The following DPP10 variants were observed in gnomAD, a reference collection of about 807,000 sequenced individuals.
The protein encoded by DPP10 is dipeptidyl peptidase like 10.
A neutral mutation model predicts 120.9 loss-of-function variants in DPP10; 33 were observed. The observed-to-expected ratio is 0.27, with a 90% CI of 0.21 to 0.37. DPP10 has a LOEUF of 0.37. Ranked by LOEUF, DPP10 falls within the 10% of genes least tolerant of loss-of-function variation. DPP10 has a pLI of 1.00. For synonymous variants in DPP10, 337 were observed against 326.1 expected, an observed-to-expected ratio of 1.03 and a Z score of -0.36; for missense variants, 816 against 942.8, an observed-to-expected ratio of 0.87 and a Z score of 1.76.
intron 1 of DPP10, among the ~76,000 whole-genome samples, chr2:115,156,472 G>T (rs998216427): frequency 1.3e-5 from 2 of 152,198 alleles, no homozygotes; most frequent in Non-Finnish European, 2.9e-5. Context: ...GAACATTGTG[G>T]AAGTGTTAAA....
chr2:114,497,116 T>C (rs897215768), intron 1 of DPP10, among the ~76,000 whole-genome samples: 7 of 149,816 alleles, frequency 4.7e-5, no homozygotes, highest in African/African-American at 1.2e-4. Flanking sequence ...TACGTATACA[T>C]GCACACGTGT....
chr2:115,758,289 A>T (rs1344677229), intron 11 of DPP10, among the ~76,000 whole-genome samples: 1 of 151,890 alleles, frequency 6.6e-6, no homozygotes, highest in Admixed American at 6.6e-5. Flanking sequence ...AAGAATGAAG[A>T]AACAACAAAA....
At chr2:114,961,281 C>T (rs910628407) in intron 1 of DPP10, among the ~76,000 whole-genome samples, 5 of 151,776 alleles carry the variant, frequency 3.3e-5, no homozygotes, top group South Asian at 2.1e-4. Context: ...CTCGAACTCC[C>T]GACCTCAGGT....
At chr2:114,684,411 T>A (rs1699232958) in intron 1 of DPP10, among the ~76,000 whole-genome samples, 1 of 152,096 alleles carries the variant, frequency 6.6e-6, no homozygotes, top group Non-Finnish European at 1.5e-5. Context: ...AGAGAAATTT[T>A]AAAAGGGAGA....
chr2:114,691,715 T>C (rs1699759516), intron 1 of DPP10, among the ~76,000 whole-genome samples: 1 of 152,020 alleles, frequency 6.6e-6, no homozygotes, highest in Non-Finnish European at 1.5e-5. Flanking sequence ...AGTCCTGGGC[T>C]TTTTTTGGTT....
chr2:115,407,647 T>C (rs1440680055), intron 3 of DPP10, among the ~76,000 whole-genome samples: 1 of 151,710 alleles, frequency 6.6e-6, no homozygotes, highest in Admixed American at 6.6e-5. Context: ...GGTGTGTACA[T>C]GGAGAGGGAG....
intron 1 of DPP10, among the ~76,000 whole-genome samples, chr2:114,584,827 G>A (rs1345614649): frequency 1.3e-5 from 2 of 151,994 alleles, no homozygotes; most frequent in Admixed American, 6.6e-5. Context: ...GAACCATCAG[G>A]AAACCAGAAA....
At chr2:115,192,083 C>T (rs1001315628) in intron 1 of DPP10, among the ~76,000 whole-genome samples, 3 of 152,100 alleles carry the variant, frequency 2.0e-5, no homozygotes, top group Non-Finnish European at 4.4e-5. Flanking sequence ...TATGATATTC[C>T]CATATTATAT....
intron 3 of DPP10, among the ~76,000 whole-genome samples, chr2:115,497,310 T>C (rs2076450460): frequency 6.6e-6 from 1 of 152,082 alleles, no homozygotes; most frequent in Non-Finnish European, 1.5e-5. Flanking sequence ...AAGGTTAAAC[T>C]ATAAACTAAA....
At chr2:115,753,850 T>C (rs1271088045) in intron 11 of DPP10, among the ~76,000 whole-genome samples, 1 of 152,174 alleles carries the variant, frequency 6.6e-6, no homozygotes, top group African/African-American at 2.4e-5. Context: ...ATTTTTAAGA[T>C]TCCTGGTAGA....
chr2:114,974,540 C>T (rs1380468486), intron 1 of DPP10, among the ~76,000 whole-genome samples: 6 of 151,614 alleles, frequency 4.0e-5, no homozygotes, highest in Admixed American at 3.9e-4. Flanking sequence ...GCCTCAGCCT[C>T]CCGAGTAGCT....
intron 5 of DPP10, among the ~76,000 whole-genome samples, chr2:115,616,376 G>A (rs551133835): frequency 2.2e-4 from 33 of 151,306 alleles, no homozygotes; most frequent in Middle Eastern, 3.4e-3. Context: ...ATGAAGCCTC[G>A]CAACCATGGT....
intron 8 of DPP10, among the ~76,000 whole-genome samples, chr2:115,737,395 G>C (rs1676685789): frequency 6.6e-6 from 1 of 152,132 alleles, no homozygotes; most frequent in South Asian, 2.1e-4. Flanking sequence ...GGTATCCCAT[G>C]GTGAGGCTAA....
intron 5 of DPP10, among the ~76,000 whole-genome samples, chr2:115,665,387 T>A (rs751125464): frequency 1.7e-4 from 26 of 152,206 alleles, no homozygotes; most frequent in Non-Finnish European, 2.8e-4. Context: ...ACAATTAAAT[T>A]AATGACATTC....
At chr2:114,726,502 AG>A (rs1202523979) in intron 1 of DPP10, among the ~76,000 whole-genome samples, 1 of 152,238 alleles carries the variant, frequency 6.6e-6, no homozygotes, top group African/African-American at 2.4e-5. Flanking sequence ...ATTTCAAGTT[AG>A]GCCTGGTGGC....
At chr2:114,750,503 T>G (rs953154338) in intron 1 of DPP10, among the ~76,000 whole-genome samples, 2 of 152,004 alleles carry the variant, frequency 1.3e-5, no homozygotes, top group African/African-American at 4.8e-5. Context: ...CCAGCTAATT[T>G]TTTGTACTTT....
intron 4 of DPP10, among the ~76,000 whole-genome samples, chr2:115,500,713 T>C (rs1353881112): frequency 6.6e-6 from 1 of 152,074 alleles, no homozygotes; most frequent in Non-Finnish European, 1.5e-5. Context: ...AAAGAATAGT[T>C]ACTTTGTGTG....
intron 1 of DPP10, among the ~76,000 whole-genome samples, chr2:114,608,289 ATACT>A (rs1413376726): frequency 1.3e-5 from 2 of 152,140 alleles, no homozygotes; most frequent in Non-Finnish European, 2.9e-5. Context: ...CAAAGCTGAC[ATACT>A]TACCACTAAC....
At chr2:115,747,594 C>CTTTTTTTTTTTTTTTTTT (rs3980905) in intron 10 of DPP10, among the ~76,000 whole-genome samples, 2 of 141,226 alleles carry the variant, frequency 1.4e-5, no homozygotes. Flanking sequence ...ATCCCCTTGT[C>CTTTTTTTTTTTTTTTTTT]TTTTTTTTTT....
Sources: allele counts gnomAD v4.1 joint callset (sites outside exome capture counted in the v4.1 genomes callset), GRCh38; gene constraint gnomAD v4.1.1; transcripts MANE v1.5; gene names NCBI Gene and HGNC (gene_info 2026-07-23, HGNC 2026-07-21).